LGSN: variants seen among roughly 807,000 people sequenced by gnomAD.
The protein encoded by LGSN is lengsin, lens protein with glutamine synthetase domain.
LGSN carries 21 observed loss-of-function variants against 19.5 expected under a neutral mutation model. That is an observed-to-expected ratio of 1.07 (90% CI 0.76 to 1.55). The LOEUF is 1.55. Ranked by LOEUF, LGSN falls within the 40% of genes most tolerant of loss-of-function variation. LGSN has a pLI of 0.00. For synonymous variants in LGSN, 257 were observed against 215.6 expected (o/e 1.19, Z -1.68); for missense variants, 673 against 608.5 (o/e 1.11, Z -1.12).
At chr6:63,506,498 C>T in the LGSN span, among the ~76,000 whole-genome samples, 1 of 151,784 alleles carries the variant, frequency 6.6e-6, no homozygotes, top group African/African-American at 2.4e-5. Flanking sequence ...CTCCTGACCT[C>T]GTGATCCACC....
At chr6:63,281,607 G>T (rs1048097614) in intron 3 of LGSN, among the ~76,000 whole-genome samples, 1 of 152,008 alleles carries the variant, frequency 6.6e-6, no homozygotes, top group African/African-American at 2.4e-5. Flanking sequence ...AAGTACAGTT[G>T]TTAATTCTTC....
At chr6:63,547,498 A>G in the LGSN span, among the ~76,000 whole-genome samples, 91 of 90,792 alleles carry the variant, frequency 1.0e-3, no homozygotes, top group African/African-American at 2.8e-3. Context: ...CCAGGGGGGA[A>G]TTTTTTTTTT....
chr6:63,529,698 A>T, the LGSN span, among the ~76,000 whole-genome samples: 2 of 152,206 alleles, frequency 1.3e-5, no homozygotes, highest in Non-Finnish European at 2.9e-5. Flanking sequence ...TTGTGAACCA[A>T]GGGTGGAGGA....
the LGSN span, among the ~76,000 whole-genome samples, chr6:63,520,675 T>A: frequency 7.2e-6 from 1 of 138,686 alleles, no homozygotes; most frequent in Admixed American, 7.2e-5. Flanking sequence ...ATAAATAAAA[T>A]GAAAATAGAT....
the LGSN span, among the ~76,000 whole-genome samples, chr6:63,492,029 CAAAAAA>C: frequency 7.9e-6 from 1 of 126,142 alleles, no homozygotes; most frequent in South Asian, 2.6e-4. Flanking sequence ...AACTCCATCT[CAAAAAA>C]AAAAAAAAAA....
the LGSN span, among the ~76,000 whole-genome samples, chr6:63,491,366 T>A: frequency 6.6e-6 from 1 of 152,188 alleles, no homozygotes; most frequent in African/African-American, 2.4e-5. Flanking sequence ...AGGTCAGCCA[T>A]CCACTTCTAG....
chr6:63,281,269 G>A (rs767429840), intron 3 of LGSN, 49 bp from the exon 4 acceptor site: 1 of 1,346,500 alleles, frequency 7.4e-7, no homozygotes, highest in Non-Finnish European at 9.6e-7. Context: ...ACAAACAAAA[G>A]GGTCGGGGGG....
chr6:63,532,313 T>G, the LGSN span, among the ~76,000 whole-genome samples: 3 of 152,208 alleles, frequency 2.0e-5, no homozygotes, highest in African/African-American at 7.2e-5. Flanking sequence ...TCTATTAAGT[T>G]GTTTTTTGAT....
the LGSN span, among the ~76,000 whole-genome samples, chr6:63,386,627 G>T: frequency 1.3e-5 from 2 of 151,908 alleles, no homozygotes; most frequent in African/African-American, 4.8e-5. Context: ...CATTTTAATG[G>T]TCTTGGAACT....
chr6:63,541,503 A>T, the LGSN span, among the ~76,000 whole-genome samples: 10 of 152,148 alleles, frequency 6.6e-5, no homozygotes, highest in Non-Finnish European at 1.0e-4. Context: ...CAGTGAGCCA[A>T]GATCTCGCCA....
the LGSN span, among the ~76,000 whole-genome samples, chr6:63,470,075 G>A: frequency 1.3e-5 from 2 of 152,036 alleles, no homozygotes; most frequent in African/African-American, 4.8e-5. Flanking sequence ...AGCATTTGTG[G>A]TGAAAGAAAG....
the LGSN span, among the ~76,000 whole-genome samples, chr6:63,544,638 C>A: frequency 1.3e-5 from 2 of 152,060 alleles, no homozygotes; most frequent in Admixed American, 6.6e-5. Context: ...TATTATTTAT[C>A]TTCTATATGA....
chr6:63,350,842 C>A, the LGSN span, among the ~76,000 whole-genome samples: 11 of 147,034 alleles, frequency 7.5e-5, no homozygotes, highest in African/African-American at 2.5e-4. Flanking sequence ...ACAGAGCCAT[C>A]TAAAAAAAAA....
chr6:63,412,750 A>AG, the LGSN span, among the ~76,000 whole-genome samples: 1 of 90,824 alleles, frequency 1.1e-5, no homozygotes, highest in South Asian at 3.6e-4. Flanking sequence ...AAAGAAAGAA[A>AG]GAAAGAAAGA....
chr6:63,480,122 G>T, the LGSN span: 1 of 203,086 alleles, frequency 4.9e-6, no homozygotes, highest in Non-Finnish European at 1.1e-5. Context: ...GCTCTCAGAT[G>T]CAGCTGATGC....
At chr6:63,330,609 G>GGACATCATT in the LGSN span, among the ~76,000 whole-genome samples, 1 of 152,166 alleles carries the variant, frequency 6.6e-6, no homozygotes, top group African/African-American at 2.4e-5. Flanking sequence ...GAGTTATGGT[G>GGACATCATT]GACATCATTG....
At chr6:63,335,190 T>C in the LGSN span, among the ~76,000 whole-genome samples, 1 of 150,300 alleles carries the variant, frequency 6.7e-6, no homozygotes, top group Non-Finnish European at 1.5e-5. Context: ...GTCTCTTTGA[T>C]AGTTGGTGCT....
At chr6:63,474,221 C>G in the LGSN span, among the ~76,000 whole-genome samples, 9 of 152,228 alleles carry the variant, frequency 5.9e-5, no homozygotes, top group African/African-American at 2.2e-4. Context: ...CTCTAACATG[C>G]AAACCAAGTA....
At chr6:63,374,480 C>G in the LGSN span, among the ~76,000 whole-genome samples, 1 of 152,154 alleles carries the variant, frequency 6.6e-6, no homozygotes, top group Non-Finnish European at 1.5e-5. Flanking sequence ...AGATGCATCT[C>G]AATTCCCAAG....
Sources: gnomAD v4.1 joint callset for allele counts (sites outside exome capture counted in the v4.1 genomes callset) on GRCh38, gnomAD v4.1.1 for gene constraint, MANE v1.5 for transcripts, NCBI Gene and HGNC (gene_info 2026-07-23, HGNC 2026-07-21) for gene names.